Variants in NRXN3 observed in about 807,000 individuals in gnomAD.
NRXN3 encodes the protein neurexin 3, also known as neurexin III.
In NRXN3, 32 loss-of-function variants were observed where a neutral mutation model predicts 137.6. The ratio of observed to expected loss-of-function variants is 0.23; its 90% CI spans 0.18 to 0.31. The LOEUF (loss-of-function observed/expected upper bound fraction) is 0.31. Among genes scored for constraint, NRXN3 ranks in the 10% least tolerant of loss-of-function variants. The pLI is 1.00. For missense variants in NRXN3, 1,574 were observed against 2,062.5 expected (o/e 0.76, Z 4.59); for synonymous variants, 798 against 784.5 (o/e 1.02, Z -0.29).
intron 15 of NRXN3, among the ~76,000 whole-genome samples, chr14:79,176,497 C>A (rs1366378292): frequency 6.6e-6 from 1 of 152,198 alleles, no homozygotes; most frequent in Non-Finnish European, 1.5e-5. Context: ...ACTCTTCCCA[C>A]TTTATCCCTT....
chr14:79,494,450 T>A (rs1161056992), intron 16 of NRXN3, among the ~76,000 whole-genome samples: 6 of 152,132 alleles, frequency 3.9e-5, no homozygotes, highest in Non-Finnish European at 7.4e-5. Flanking sequence ...AGGTGAAAAG[T>A]GAGTTGCAGT....
At chr14:78,188,371 TCC>T (rs1479281832) in intron 1 of NRXN3, among the ~76,000 whole-genome samples, 1 of 152,136 alleles carries the variant, frequency 6.6e-6, no homozygotes, top group Non-Finnish European at 1.5e-5. Context: ...CAGATGTGAT[TCC>T]AGGGAGGGAA....
chr14:78,722,713 A>G (rs12101009), intron 8 of NRXN3, among the ~76,000 whole-genome samples: 30,644 of 152,176 alleles, frequency 0.2, 4,298 homozygotes, highest in African/African-American at 0.4. Context: ...GGGCCACCCA[A>G]TTCATTCTGA....
chr14:79,841,140 T>A (rs1398686414), intron 20 of NRXN3, among the ~76,000 whole-genome samples: 1 of 152,222 alleles, frequency 6.6e-6, no homozygotes, highest in South Asian at 2.1e-4. Context: ...GGGTACATAA[T>A]CTTGATGTCA....
chr14:79,212,621 T>C (rs918958501), intron 15 of NRXN3, among the ~76,000 whole-genome samples: 2 of 152,184 alleles, frequency 1.3e-5, no homozygotes, highest in African/African-American at 4.8e-5. Context: ...TTCCTCACTA[T>C]ATGGATATAA....
rs1268015735 is a variant in NRXN3, at chr14:79,670,787, C to T, written c.3616+6838C>T. 2.0e-5 allele frequency among the ~76,000 whole-genome samples: 3 copies of T among 152,026 alleles called. No homozygotes were observed. The East Asian group carries it at 5.8e-4, about 29-fold the overall frequency. ...AAGCATTGCATGAATAATAATTGTA[C>T]CTGCAGGTGTATTGTCTGGATTATC... On this transcript the variant is annotated intron_variant, in intron 17 of 20. Coordinates refer to ENST00000335750, the MANE Select transcript of NRXN3 (RefSeq NM_001330195.2).
chr14:79,388,006 G>C (rs1402449481), intron 15 of NRXN3, among the ~76,000 whole-genome samples: 1 of 151,242 alleles, frequency 6.6e-6, no homozygotes, highest in Non-Finnish European at 1.5e-5. Flanking sequence ...TAATGTAAAT[G>C]ACGAGTTAAT....
chr14:78,562,005 T>G (rs2152272852), intron 4 of NRXN3, among the ~76,000 whole-genome samples: 1 of 152,342 alleles, frequency 6.6e-6, no homozygotes, highest in Admixed American at 6.5e-5. Flanking sequence ...CAATGTATCC[T>G]TGACATTCTG....
At chr14:78,503,012 G>C (rs1459112426) in intron 4 of NRXN3, among the ~76,000 whole-genome samples, 1 of 152,190 alleles carries the variant, frequency 6.6e-6, no homozygotes, top group African/African-American at 2.4e-5. Context: ...TGTTAGAGGA[G>C]TGTAGTTACT....
intron 17 of NRXN3, among the ~76,000 whole-genome samples, chr14:79,676,203 C>T (rs2098639909): frequency 6.6e-6 from 1 of 151,972 alleles, no homozygotes; most frequent in Admixed American, 6.6e-5. Flanking sequence ...GGTGGCTCAG[C>T]CCACTTCATG....
chr14:79,377,384 T>G (rs1159124185), intron 15 of NRXN3, among the ~76,000 whole-genome samples: 1 of 152,200 alleles, frequency 6.6e-6, no homozygotes, highest in Non-Finnish European at 1.5e-5. Context: ...TGACTATTTT[T>G]TATTTCCGGT....
rs2093194426 is a variant in NRXN3, at chr14:79,351,277, A to G, written c.3263-115944A>G. 2.0e-5 allele frequency among the ~76,000 whole-genome samples: 3 copies of G among 152,186 alleles called. No homozygotes were observed. In the South Asian group the frequency reaches 6.2e-4, roughly 32 times the overall value. On this transcript the variant is annotated intron_variant, in intron 15 of 20. Transcript: ENST00000335750. ...GTGCTGGCAGAAAGAAATGATACTCATGGTGGGAATTTCTCATTCTTTTTC... is the reference window on the plus strand; with the variant it reads ...GTGCTGGCAGAAAGAAATGATACTCGTGGTGGGAATTTCTCATTCTTTTTC...
At chr14:79,713,977 T>A (rs1567982803) in intron 19 of NRXN3, among the ~76,000 whole-genome samples, 2 of 152,132 alleles carry the variant, frequency 1.3e-5, no homozygotes, top group Non-Finnish European at 1.5e-5. Flanking sequence ...GGTTCCATCC[T>A]ACAGTGTTTG....
At chr14:79,763,938 G>T (rs751917550) in intron 19 of NRXN3, among the ~76,000 whole-genome samples, 1 of 149,326 alleles carries the variant, frequency 6.7e-6, no homozygotes, top group African/African-American at 2.6e-5. Context: ...TCCATGTAAA[G>T]ACTTCATTTG....
rs186255769 is a variant in NRXN3, at chr14:78,881,033, G to A, written c.2275+70689G>A. Among the ~76,000 whole-genome samples the A allele has an allele frequency of 6.4e-3, 958 of 149,920 alleles. 21 individuals are homozygous for A. The highest frequency in any genetic ancestry group is 0.023 in the African/African-American group (896 of 39,418). On this transcript the variant is annotated intron_variant, in intron 10 of 20. Coordinates refer to ENST00000335750, the MANE Select transcript of NRXN3 (RefSeq NM_001330195.2). Reference sequence around the variant, plus strand: ...GAGTGAGTTCTCACAAGATTTGATGGTTTCATAAGGGGATTTTCCCCCTTT... The same window carrying A: ...GAGTGAGTTCTCACAAGATTTGATGATTTCATAAGGGGATTTTCCCCCTTT...
At chr14:79,153,692 C>T (rs1167601467) in intron 15 of NRXN3, among the ~76,000 whole-genome samples, 1 of 151,908 alleles carries the variant, frequency 6.6e-6, no homozygotes, top group African/African-American at 2.4e-5. Context: ...CCTGAGTAGA[C>T]CTCTTTTTTC....
intron 19 of NRXN3, among the ~76,000 whole-genome samples, chr14:79,703,257 C>CAAAGT (rs1274282574): frequency 1.2e-4 from 19 of 152,112 alleles, no homozygotes; most frequent in African/African-American, 4.6e-4. Flanking sequence ...TTCTTATAGG[C>CAAAGT]AAAGTACTCT....
intron 16 of NRXN3, among the ~76,000 whole-genome samples, chr14:79,653,063 A>G (rs562855818): frequency 6.6e-6 from 1 of 152,138 alleles, no homozygotes; most frequent in Non-Finnish European, 1.5e-5. Flanking sequence ...CACACACCAG[A>G]GTCCCCACGT....
intron 4 of NRXN3, among the ~76,000 whole-genome samples, chr14:78,582,651 G>A (rs1191586021): frequency 6.6e-6 from 1 of 152,118 alleles, no homozygotes; most frequent in African/African-American, 2.4e-5. Flanking sequence ...ATAGCATGAA[G>A]GCCCTTGTAA....
Sources: gnomAD v4.1 joint callset for allele counts (sites outside exome capture counted in the v4.1 genomes callset) on GRCh38, gnomAD v4.1.1 for gene constraint, MANE v1.5 for transcripts, NCBI Gene and HGNC (gene_info 2026-07-23, HGNC 2026-07-21) for gene names.